Variants in SLC26A5 observed in about 807,000 individuals in gnomAD.
The protein encoded by SLC26A5 is solute carrier family 26 member 5, also known as prestin.
In SLC26A5, 51 loss-of-function variants were observed where a neutral mutation model predicts 81.0. That is an observed-to-expected ratio of 0.63 (90% confidence interval 0.50 to 0.80). The LOEUF is 0.80. SLC26A5 is among the 30% of genes least tolerant of loss of function. The pLI is 0.00. For missense variants in SLC26A5, 771 were observed against 905.8 expected, an observed-to-expected ratio of 0.85 and a Z score of 1.91; for synonymous variants, 325 against 332.8, an observed-to-expected ratio of 0.98 and a Z score of 0.25.
At chr7:103,404,952 T>A (rs1823910908) in intron 8 of SLC26A5, among the ~76,000 whole-genome samples, 1 of 152,168 alleles carries the variant, frequency 6.6e-6, no homozygotes, top group South Asian at 2.1e-4. Flanking sequence ...CAATCTCTGA[T>A]ACCCTTTCTT....
chr7:103,407,551 A>T (rs944805609), intron 8 of SLC26A5, among the ~76,000 whole-genome samples: 4 of 152,212 alleles, frequency 2.6e-5, no homozygotes, highest in Non-Finnish European at 5.9e-5. Flanking sequence ...TGTACTCATT[A>T]CAAAACAATT....
At chr7:103,357,980 G>T (rs1198216408) in intron 19 of SLC26A5, among the ~76,000 whole-genome samples, 2 of 152,184 alleles carry the variant, frequency 1.3e-5, no homozygotes, top group Non-Finnish European at 2.9e-5. Flanking sequence ...TGTCCTTTAT[G>T]CCTGTTTAAT....
intron 2 of SLC26A5, among the ~76,000 whole-genome samples, chr7:103,432,675 C>A (rs1292633701): frequency 1.3e-5 from 2 of 151,758 alleles, no homozygotes; most frequent in Non-Finnish European, 2.9e-5. Context: ...GTTTTAAATT[C>A]TTGGGGATCT....
chr7:103,365,041 A>G (rs1820637519), intron 19 of SLC26A5, among the ~76,000 whole-genome samples: 1 of 148,642 alleles, frequency 6.7e-6, no homozygotes, highest in Non-Finnish European at 1.5e-5. Context: ...GATGATTCGT[A>G]TATTTACAAT....
chr7:103,396,919 A>G (rs1017010642), intron 9 of SLC26A5, among the ~76,000 whole-genome samples: 2 of 151,484 alleles, frequency 1.3e-5, no homozygotes, highest in African/African-American at 4.9e-5. Flanking sequence ...ACATAGTGAA[A>G]CCCTGTCTCT....
At chr7:103,416,259 C>T (rs1824900462) in intron 4 of SLC26A5, among the ~76,000 whole-genome samples, 1 of 152,168 alleles carries the variant, frequency 6.6e-6, no homozygotes, top group Non-Finnish European at 1.5e-5. Context: ...TGTATTGGCT[C>T]TTCGTTTACT....
intron 19 of SLC26A5, chr7:103,353,827 T>C: frequency 9.2e-7 from 1 of 1,082,992 alleles, no homozygotes; most frequent in Non-Finnish European, 1.4e-6. Context: ...CTTAAAACAA[T>C]TTGAATCGAA....
chr7:103,389,005 C>A lies in SLC26A5; in HGVS notation c.1514+3G>T. The A allele has an allele frequency of 6.2e-7, 1 of 1,604,470 alleles. No individual in the cohort carries two copies. Among genetic ancestry groups the A allele is most frequent in the South Asian group, 1.1e-5 (1 of 90,622 alleles). ...TCACACCCATTCCAATCTGGGCACT[C>A]ACCTCTGTGTTCTGTAAATCACAGT... On this transcript the variant is annotated splice_donor_region_variant and intron_variant, in intron 14 of 19. Coordinates refer to ENST00000306312, the MANE Select transcript of SLC26A5 (RefSeq NM_198999.3).
chr7:103,400,755 G>T (rs777482857), intron 8 of SLC26A5, among the ~76,000 whole-genome samples: 2 of 152,190 alleles, frequency 1.3e-5, no homozygotes, highest in African/African-American at 4.8e-5. Flanking sequence ...TAAGGTGTAA[G>T]AAAGGGGTGC....
In SLC26A5 at chr7:103,368,015, C is replaced by G. The variant is rs200390723; in HGVS notation, c.2041+8793G>C. The G allele has an allele frequency of 2.2e-5, 35 of 1,613,734 alleles. No homozygotes were observed. In the African/African-American group the frequency reaches 4.3e-4, roughly 20 times the overall value. On this transcript the variant is annotated intron_variant, in intron 19 of 19. Coordinates refer to the SLC26A5 transcript ENST00000339444. ...TAAATAAGGTCATTAAGTCTTATGC[C>G]AAATTCAGTGCTACTCCTCGTTACA... is the stretch of plus-strand genomic sequence containing the variant.
At chr7:103,384,356 T>C (rs1000173369) in intron 14 of SLC26A5, among the ~76,000 whole-genome samples, 4 of 151,958 alleles carry the variant, frequency 2.6e-5, no homozygotes, top group African/African-American at 9.7e-5. Context: ...CTCATGCCTC[T>C]AATCCCAGCA....
intron 2 of SLC26A5, among the ~76,000 whole-genome samples, chr7:103,434,783 C>T (rs1227688633): frequency 1.3e-5 from 2 of 152,120 alleles, no homozygotes; most frequent in African/African-American, 4.8e-5. Context: ...TTCTGAGTAG[C>T]TGGGAGTACA....
chr7:103,382,742 T>C (rs1405430313), intron 14 of SLC26A5, among the ~76,000 whole-genome samples: 4 of 152,134 alleles, frequency 2.6e-5, no homozygotes, highest in Middle Eastern at 3.2e-3. Context: ...CCTGTTATTA[T>C]ATCCTTTGAA....
intron 3 of SLC26A5, among the ~76,000 whole-genome samples, 153 bp downstream of exon 3, chr7:103,421,210 C>G (rs913271351): frequency 1.3e-5 from 2 of 152,216 alleles, no homozygotes; most frequent in Non-Finnish European, 2.9e-5. Flanking sequence ...ATATCTAACG[C>G]TGACTGAACC....
intron 7 of SLC26A5, 88 bp downstream of exon 7, chr7:103,410,297 G>A (rs369370491): frequency 5.2e-6 from 6 of 1,150,946 alleles, no homozygotes; most frequent in South Asian, 3.9e-5. Flanking sequence ...AAAGAAAAAT[G>A]AGTCTTGAAA....
At chr7:103,404,795 C>T (rs566398184) in intron 8 of SLC26A5, among the ~76,000 whole-genome samples, 2 of 152,276 alleles carry the variant, frequency 1.3e-5, no homozygotes, top group African/African-American at 2.4e-5. Flanking sequence ...TGGTTCCATT[C>T]TCCCCGTCAC....
chr7:103,364,135 T>C (rs1201511764), intron 19 of SLC26A5: 1 of 1,612,074 alleles, frequency 6.2e-7, no homozygotes, highest in African/African-American at 1.3e-5. Context: ...ATTGTGTCTC[T>C]ATCACAGCCA....
chr7:103,441,897 G>T (rs1826906285), intron 2 of SLC26A5, among the ~76,000 whole-genome samples: 1 of 152,200 alleles, frequency 6.6e-6, no homozygotes, highest in South Asian at 2.1e-4. Flanking sequence ...TCTGAGAAAG[G>T]CATGTTTAGG....
At chr7:103,365,012 AT>A (rs1321009782) in intron 19 of SLC26A5, among the ~76,000 whole-genome samples, 5 of 142,356 alleles carry the variant, frequency 3.5e-5, no homozygotes, top group Non-Finnish European at 6.1e-5. Context: ...GGCTATATGT[AT>A]TGTATCTGAA....
Sources: gnomAD v4.1 joint callset for allele counts (sites outside exome capture counted in the v4.1 genomes callset) on GRCh38, gnomAD v4.1.1 for gene constraint, MANE v1.5 for transcripts, NCBI Gene and HGNC (gene_info 2026-07-23, HGNC 2026-07-21) for gene names.